GRIN2B: variants seen among roughly 807,000 people sequenced by gnomAD.
The protein encoded by GRIN2B is glutamate receptor ionotropic, NMDA 2B.
Under a neutral mutation model 114.5 loss-of-function variants are expected in GRIN2B, and 5 were observed. The observed-to-expected ratio is 0.04, with a 90% CI of 0.02 to 0.09. The LOEUF (loss-of-function observed/expected upper bound fraction) is 0.09. Among genes scored for constraint, GRIN2B ranks in the 10% least tolerant of loss-of-function variants. The pLI is 1.00. For synonymous variants in GRIN2B, 787 were observed against 745.1 expected (o/e 1.06, Z -0.92); for missense variants, 1,108 against 1,943.5 (o/e 0.57, Z 8.08).
Position 13,894,941 on chromosome 12 carries a change from T to C in GRIN2B, c.-18-28715A>G, listed in dbSNP as rs140763323. Among the ~76,000 whole-genome samples, 841 of 152,292 alleles carry C rather than the reference T, an allele frequency of 5.5e-3. 6 individuals are homozygous for C. The highest frequency in any genetic ancestry group is 0.01 in the Middle Eastern group (3 of 294). ...CTGAAAGGAACCATACAATGAATCA[T>C]TTTGGAAAGAATCATTTCTGTAAAG... On this transcript the variant is annotated intron_variant, in intron 2 of 13. Coordinates refer to ENST00000609686, the MANE Select transcript of GRIN2B (RefSeq NM_000834.5).
In GRIN2B at chr12:13,866,363, T is replaced by A. The variant is rs560262836; in HGVS notation, c.-18-137A>T. On this transcript the variant is annotated intron_variant, in intron 2 of 13. Coordinates refer to ENST00000609686, the MANE Select transcript of GRIN2B (RefSeq NM_000834.5). Reference sequence around the variant, plus strand: ...AACCCAACTCCATCTACCAGCCTACTCTCTTATCTCTGGTATTTGCTCTGC... The same window carrying A: ...AACCCAACTCCATCTACCAGCCTACACTCTTATCTCTGGTATTTGCTCTGC... 248 of 735,688 alleles carry A rather than the reference T, an allele frequency of 3.4e-4. 6 individuals are homozygous for A. In the South Asian group the frequency reaches 3.6e-3, roughly 11 times the overall value. The allele number at this position is 735,688 out of a possible 1,614,324, so 45.6% of individuals were successfully genotyped here.
intron 4 of GRIN2B, among the ~76,000 whole-genome samples, chr12:13,743,318 G>A (rs944614174): frequency 2.0e-4 from 31 of 152,178 alleles, no homozygotes; most frequent in African/African-American, 7.5e-4. Context: ...TTGAATATGT[G>A]ACCTCTTGTC....
chr12:13,800,378 C>A (rs947590750), intron 3 of GRIN2B, among the ~76,000 whole-genome samples: 21 of 152,162 alleles, frequency 1.4e-4, no homozygotes, highest in African/African-American at 4.8e-4. Flanking sequence ...CATCTCCCAG[C>A]CTCTTCTTCA....
intron 8 of GRIN2B, among the ~76,000 whole-genome samples, chr12:13,614,016 C>CAAAAAAAAAAAAAAAAAAAAAAAACAAAA (rs77527098): frequency 1.1e-5 from 1 of 92,910 alleles, no homozygotes; most frequent in Non-Finnish European, 2.1e-5. Flanking sequence ...CCTTGCACAG[C>CAAAAAAAAAAAAAAAAAAAAAAAACAAAA]AAAAAAAAAA....
At chr12:13,574,367 A>C (rs554160336) in intron 10 of GRIN2B, among the ~76,000 whole-genome samples, 86 of 152,398 alleles carry the variant, frequency 5.6e-4, no homozygotes, top group Non-Finnish European at 1.0e-3. Context: ...GGTAGATAGC[A>C]ATACAACTAA....
chr12:13,820,886 T>C (rs1864921785), intron 3 of GRIN2B, among the ~76,000 whole-genome samples: 1 of 152,182 alleles, frequency 6.6e-6, no homozygotes, highest in Admixed American at 6.5e-5. Context: ...GAGCTTTCTA[T>C]AATAGGAATT....
intron 2 of GRIN2B, among the ~76,000 whole-genome samples, chr12:13,908,078 A>C (rs1866572850): frequency 6.6e-6 from 1 of 152,198 alleles, no homozygotes; most frequent in South Asian, 2.1e-4. Context: ...TTTTGAACTC[A>C]TGACGCTCTG....
intron 4 of GRIN2B, among the ~76,000 whole-genome samples, chr12:13,693,198 T>C (rs937824675): frequency 6.6e-6 from 1 of 152,174 alleles, no homozygotes; most frequent in African/African-American, 2.4e-5. Context: ...ACTTAAGTCT[T>C]TATACCAATT....
chr12:13,607,299 TATATATTATATATA>T (rs1949275283), intron 10 of GRIN2B, among the ~76,000 whole-genome samples: 1 of 48,150 alleles, frequency 2.1e-5, no homozygotes, highest in Non-Finnish European at 3.6e-5. Flanking sequence ...TATATAAAAA[TATATATTATATATA>T]ATATAAAATA....
chr12:13,748,117 G>A (rs145906740), intron 4 of GRIN2B, among the ~76,000 whole-genome samples: 1 of 152,200 alleles, frequency 6.6e-6, no homozygotes, highest in African/African-American at 2.4e-5. Flanking sequence ...TTTTAAGATG[G>A]CAACTTTCAC....
intron 3 of GRIN2B, among the ~76,000 whole-genome samples, chr12:13,861,953 G>A (rs148438589): frequency 1.4e-4 from 21 of 152,122 alleles, no homozygotes; most frequent in South Asian, 4.1e-4. Context: ...TTTAATCCTC[G>A]ACAACCCTGT....
At chr12:13,829,349 AAG>A (rs1865107482) in intron 3 of GRIN2B, among the ~76,000 whole-genome samples, 1 of 152,196 alleles carries the variant, frequency 6.6e-6, no homozygotes, top group Non-Finnish European at 1.5e-5. Context: ...CACCACCTAG[AAG>A]AGTGTCTGCA....
At chr12:13,763,505 T>G (rs1591717711) in intron 3 of GRIN2B, among the ~76,000 whole-genome samples, 1 of 152,330 alleles carries the variant, frequency 6.6e-6, no homozygotes, top group East Asian at 1.9e-4. Context: ...GCCTAAATCC[T>G]TGATGCTGGG....
intron 3 of GRIN2B, among the ~76,000 whole-genome samples, chr12:13,808,040 T>C (rs1864643480): frequency 1.3e-5 from 2 of 152,198 alleles, no homozygotes; most frequent in African/African-American, 2.4e-5. Flanking sequence ...GTGTGGGACA[T>C]CTGCTGCCTT....
intron 4 of GRIN2B, among the ~76,000 whole-genome samples, chr12:13,736,273 A>C (rs1863182945): frequency 6.6e-6 from 1 of 151,962 alleles, no homozygotes; most frequent in Admixed American, 6.6e-5. Context: ...GCAGTCAGGC[A>C]CTCTGGGCAG....
chr12:13,787,000 A>G (rs2136660830), intron 3 of GRIN2B, among the ~76,000 whole-genome samples: 1 of 152,270 alleles, frequency 6.6e-6, no homozygotes, highest in East Asian at 1.9e-4. Context: ...CCTCCAAGGA[A>G]CCTTTGATAG....
At chr12:13,620,542 T>C (rs988841449) in intron 5 of GRIN2B, among the ~76,000 whole-genome samples, 4 of 152,208 alleles carry the variant, frequency 2.6e-5, no homozygotes, top group Admixed American at 2.0e-4. Context: ...TTTCATGGTA[T>C]CTACCACCTT....
At chr12:13,576,559 TTTTTTG>T (rs1280090942) in intron 10 of GRIN2B, among the ~76,000 whole-genome samples, 7 of 150,778 alleles carry the variant, frequency 4.6e-5, no homozygotes, top group Non-Finnish European at 7.4e-5. Flanking sequence ...TTTTCTTTTT[TTTTTTG>T]AAACAGAGTC....
intron 4 of GRIN2B, among the ~76,000 whole-genome samples, chr12:13,697,597 A>C (rs1003982784): frequency 1.3e-5 from 2 of 152,214 alleles, no homozygotes; most frequent in Non-Finnish European, 1.5e-5. Context: ...GCTCTACTCC[A>C]TGTTCCTCAT....
Sources: allele counts gnomAD v4.1 joint callset (sites outside exome capture counted in the v4.1 genomes callset), GRCh38; gene constraint gnomAD v4.1.1; transcripts MANE v1.5; gene names NCBI Gene and HGNC (gene_info 2026-07-23, HGNC 2026-07-21).